The following PDE4D variants were observed in gnomAD, a reference collection of about 807,000 sequenced individuals.
The protein encoded by PDE4D is phosphodiesterase 4D.
In PDE4D, 24 loss-of-function variants were observed where a neutral mutation model predicts 87.4. The ratio of observed to expected loss-of-function variants is 0.27; its 90% CI spans 0.20 to 0.39. The LOEUF is 0.39. Ranked by LOEUF, PDE4D falls within the 10% of genes least tolerant of loss-of-function variation. The pLI, the probability that PDE4D is intolerant of heterozygous loss-of-function variation, is 1.00. For synonymous variants in PDE4D, 384 were observed against 383.2 expected, an observed-to-expected ratio of 1.00 and a Z score of -0.02; for missense variants, 714 against 1,041.0, an observed-to-expected ratio of 0.69 and a Z score of 4.32.
At chr5:60,033,081 A>T (rs1419343351) in intron 2 of PDE4D, 1 of 152,186 alleles carries the variant, frequency 6.6e-6, no homozygotes, top group Non-Finnish European at 1.5e-5. Flanking sequence ...ATCTATACAC[A>T]GTGCCCCCGC....
chr5:59,103,264 A>T (rs868336685), intron 5 of PDE4D, among the ~76,000 whole-genome samples: 1 of 152,296 alleles, frequency 6.6e-6, no homozygotes, highest in Middle Eastern at 3.4e-3. Flanking sequence ...TGTATATATT[A>T]CAAAGACCCA....
chr5:59,403,594 A>G (rs1213655673), intron 1 of PDE4D, among the ~76,000 whole-genome samples: 1 of 152,094 alleles, frequency 6.6e-6, no homozygotes, highest in Middle Eastern at 3.2e-3. Context: ...TTCATTTAAC[A>G]TAACATCCTC....
chr5:59,065,065 TATACACACACACACACACAC>T (rs1289391231), intron 5 of PDE4D, among the ~76,000 whole-genome samples: 393 of 10,520 alleles, frequency 0.037, 1 homozygote, highest in Middle Eastern at 0.32. Flanking sequence ...GTGATATATA[TATACACACACACACACACAC>T]ACACACACAC....
At chr5:60,449,063 C>G (rs957671008) in intron 1 of PDE4D, among the ~76,000 whole-genome samples, 1 of 125,772 alleles carries the variant, frequency 8.0e-6, no homozygotes, top group Non-Finnish European at 1.6e-5. Flanking sequence ...ACCCCCCCAA[C>G]TGCCCGCGCA....
At chr5:59,209,122 TA>T (rs1749492826) in intron 2 of PDE4D, among the ~76,000 whole-genome samples, 1 of 152,206 alleles carries the variant, frequency 6.6e-6, no homozygotes, top group Non-Finnish European at 1.5e-5. Context: ...TGGAAACTGT[TA>T]TTTTTTTAAC....
chr5:60,134,885 C>T (rs1779904218), intron 2 of PDE4D, among the ~76,000 whole-genome samples: 1 of 152,288 alleles, frequency 6.6e-6, no homozygotes, highest in African/African-American at 2.4e-5. Flanking sequence ...AGAAGGCATT[C>T]ATAGGTGTAC....
At chr5:59,827,448 C>T (rs576066871) in intron 1 of PDE4D, among the ~76,000 whole-genome samples, 8 of 152,242 alleles carry the variant, frequency 5.3e-5, no homozygotes, top group African/African-American at 1.9e-4. Flanking sequence ...AATCTTCAAT[C>T]ATCTTCAGGA....
chr5:59,337,556 A>G (rs976844778), intron 1 of PDE4D, among the ~76,000 whole-genome samples: 5 of 152,272 alleles, frequency 3.3e-5, no homozygotes, highest in African/African-American at 1.2e-4. Context: ...GGCACTGTAC[A>G]TGATTATCTC....
chr5:59,264,598 C>G (rs1762551958), intron 1 of PDE4D, among the ~76,000 whole-genome samples: 1 of 151,962 alleles, frequency 6.6e-6, no homozygotes, highest in East Asian at 1.9e-4. Context: ...CTTTTTAAAG[C>G]AAAACACTCA....
chr5:59,024,406 G>A (rs570613652), intron 6 of PDE4D, among the ~76,000 whole-genome samples: 3 of 151,412 alleles, frequency 2.0e-5, no homozygotes, highest in East Asian at 3.9e-4. Context: ...CACCATGTTG[G>A]CCAGCTAGTC....
At position 59,343,319 on chromosome 5, in the gene PDE4D, A is replaced by G. The variant is rs746922695; in HGVS notation, c.456-127351T>C. Among the ~76,000 whole-genome samples the G allele has an allele frequency of 5.3e-5, 8 of 151,870 alleles. No homozygotes were observed. In the East Asian group the frequency reaches 5.8e-4, roughly 11 times the overall value. On this transcript the variant is annotated intron_variant, in intron 1 of 14. Transcript: ENST00000340635. ...ATATCCTCTGACCACCATTTCCCCA[A>G]TCCCTCCTGTTCCCATCACCCCCTG... is the stretch of plus-strand genomic sequence containing the variant.
At chr5:60,468,131 T>C (rs565821183) in intron 1 of PDE4D, among the ~76,000 whole-genome samples, 1 of 109,018 alleles carries the variant, frequency 9.2e-6, no homozygotes, top group East Asian at 3.1e-4. Flanking sequence ...ACTTTCTTTC[T>C]TTTTTCTTTT....
At chr5:60,492,427 G>T (rs1280068549), upstream of PDE4D, among the ~76,000 whole-genome samples, 1 of 152,144 alleles carries the variant, frequency 6.6e-6, no homozygotes, top group African/African-American at 2.4e-5. Flanking sequence ...GACAGAGTGA[G>T]ATCCTGTCTC....
At chr5:60,466,980 T>C (rs554988677) in intron 1 of PDE4D, among the ~76,000 whole-genome samples, 1 of 151,022 alleles carries the variant, frequency 6.6e-6, no homozygotes, top group East Asian at 2.0e-4. Context: ...TACTAGCATC[T>C]ACTACTTTAT....
chr5:59,508,993 G>C (rs1264514376), intron 1 of PDE4D, among the ~76,000 whole-genome samples: 1 of 151,860 alleles, frequency 6.6e-6, no homozygotes, highest in African/African-American at 2.4e-5. Context: ...AAAAGGAATG[G>C]CAACGAGGCA....
chr5:59,190,404 CT>C (rs1744051318), intron 3 of PDE4D, among the ~76,000 whole-genome samples: 1 of 152,042 alleles, frequency 6.6e-6, no homozygotes, highest in African/African-American at 2.4e-5. Context: ...AGAAGCATAG[CT>C]TTTTCACTGG....
chr5:59,317,423 C>A (rs562026115), intron 1 of PDE4D, among the ~76,000 whole-genome samples: 2 of 152,182 alleles, frequency 1.3e-5, no homozygotes, highest in African/African-American at 4.8e-5. Context: ...TAGTAGTAAC[C>A]AGGCAGGACA....
chr5:60,131,981 C>T (rs1779633603), intron 2 of PDE4D, among the ~76,000 whole-genome samples: 2 of 152,206 alleles, frequency 1.3e-5, no homozygotes, highest in Non-Finnish European at 2.9e-5. Flanking sequence ...CAGTAATCAA[C>T]ACCACTCACT....
At chr5:58,996,897 A>G (rs1282613901) in intron 6 of PDE4D, among the ~76,000 whole-genome samples, 1 of 152,170 alleles carries the variant, frequency 6.6e-6, no homozygotes, top group African/African-American at 2.4e-5. Context: ...CTGCATGTTC[A>G]TCTTTCTGGT....
Sources: gnomAD v4.1 joint callset for allele counts (sites outside exome capture counted in the v4.1 genomes callset) on GRCh38, gnomAD v4.1.1 for gene constraint, MANE v1.5 for transcripts, NCBI Gene and HGNC (gene_info 2026-07-23, HGNC 2026-07-21) for gene names.